DLG2: variants seen among roughly 807,000 people sequenced by gnomAD.
DLG2 encodes discs large MAGUK scaffold protein 2, also known as disks large homolog 2.
DLG2 carries 45 observed loss-of-function variants against 132.5 expected under a neutral mutation model. That is an observed-to-expected ratio of 0.34 (90% CI 0.27 to 0.44). DLG2 has a LOEUF of 0.44. Ranked by LOEUF, DLG2 falls within the 20% of genes least tolerant of loss-of-function variation. The pLI is 1.00. For synonymous variants in DLG2, 424 were observed against 419.6 expected, an observed-to-expected ratio of 1.01 and a Z score of -0.13; for missense variants, 1,045 against 1,196.9, an observed-to-expected ratio of 0.87 and a Z score of 1.87.
At chr11:85,196,198 A>G (rs1178059220) in intron 4 of DLG2, among the ~76,000 whole-genome samples, 1 of 152,148 alleles carries the variant, frequency 6.6e-6, no homozygotes, top group Non-Finnish European at 1.5e-5. Flanking sequence ...CTCCAGTGGC[A>G]TTTTCATTAT....
At chr11:84,749,794 C>A (rs1035454458) in intron 6 of DLG2, among the ~76,000 whole-genome samples, 1 of 152,114 alleles carries the variant, frequency 6.6e-6, no homozygotes, top group African/African-American at 2.4e-5. Context: ...TAATCTCAGG[C>A]CCTTTGGATT....
intron 6 of DLG2, among the ~76,000 whole-genome samples, chr11:84,804,548 A>T (rs1039305144): frequency 6.6e-6 from 1 of 152,212 alleles, no homozygotes; most frequent in African/African-American, 2.4e-5. Context: ...AAGGAACAAC[A>T]TAGCAGTAAC....
intron 6 of DLG2, among the ~76,000 whole-genome samples, chr11:84,943,372 GCCTGCCTT>G (rs1397628277): frequency 6.0e-5 from 9 of 151,146 alleles, no homozygotes; most frequent in African/African-American, 2.2e-4. Flanking sequence ...CTTCCTAACT[GCCTGCCTT>G]CCTGCCTTCC....
At chr11:85,599,416 G>A (rs548619495) in intron 2 of DLG2, among the ~76,000 whole-genome samples, 141 of 150,986 alleles carry the variant, frequency 9.3e-4, no homozygotes, top group Non-Finnish European at 1.5e-3. Context: ...TGTTCTCTGT[G>A]CTGGTATTTC....
intron 18 of DLG2, among the ~76,000 whole-genome samples, chr11:83,674,427 C>T (rs1268639939): frequency 6.6e-6 from 1 of 152,112 alleles, no homozygotes; most frequent in South Asian, 2.1e-4. Flanking sequence ...TCTATTTGTA[C>T]AAGGAAGCCA....
chr11:84,679,938 TC>T (rs1233097644), intron 6 of DLG2, among the ~76,000 whole-genome samples: 1 of 152,134 alleles, frequency 6.6e-6, no homozygotes, highest in Non-Finnish European at 1.5e-5. Flanking sequence ...AGCCACACTT[TC>T]TGTATTATTG....
intron 7 of DLG2, among the ~76,000 whole-genome samples, chr11:84,441,667 C>T (rs75165513): frequency 0.011 from 1,608 of 152,172 alleles, 24 homozygotes; most frequent in African/African-American, 0.036. Flanking sequence ...GTAAACAATG[C>T]TTTTCCACAA....
At chr11:85,054,507 G>C (rs1196357279) in intron 6 of DLG2, among the ~76,000 whole-genome samples, 1 of 152,094 alleles carries the variant, frequency 6.6e-6, no homozygotes, top group Non-Finnish European at 1.5e-5. Context: ...TAACCCAGCA[G>C]TCCCATTACT....
At chr11:85,390,931 A>C (rs975235266) in intron 3 of DLG2, among the ~76,000 whole-genome samples, 7 of 152,114 alleles carry the variant, frequency 4.6e-5, no homozygotes, top group Non-Finnish European at 8.8e-5. Context: ...GAAAATAAAT[A>C]ACCAAGATCA....
intron 8 of DLG2, among the ~76,000 whole-genome samples, chr11:84,249,637 G>A (rs2097346380): frequency 6.6e-6 from 1 of 152,172 alleles, no homozygotes; most frequent in African/African-American, 2.4e-5. Flanking sequence ...GCAGTGTTAG[G>A]CATACACTGT....
At chr11:84,921,145 T>C (rs998315478) in intron 6 of DLG2, among the ~76,000 whole-genome samples, 4 of 152,146 alleles carry the variant, frequency 2.6e-5, no homozygotes, top group Non-Finnish European at 5.9e-5. Context: ...TGAAACTTTA[T>C]TGCACCAATG....
intron 16 of DLG2, among the ~76,000 whole-genome samples, chr11:83,850,123 A>AGTGTGT (rs544279195): frequency 3.9e-3 from 152 of 39,110 alleles, no homozygotes; most frequent in Middle Eastern, 0.02. Context: ...ATTTGGGGTA[A>AGTGTGT]GTGTGTGTGT....
At chr11:85,284,358 A>G (rs1316415031) in intron 4 of DLG2, among the ~76,000 whole-genome samples, 1 of 151,814 alleles carries the variant, frequency 6.6e-6, no homozygotes, top group African/African-American at 2.4e-5. Context: ...AGGACAGAAA[A>G]TATATGAGAG....
At chr11:85,334,943 T>C (rs1178918350) in intron 3 of DLG2, among the ~76,000 whole-genome samples, 1 of 152,188 alleles carries the variant, frequency 6.6e-6, no homozygotes, top group Non-Finnish European at 1.5e-5. Context: ...TTAGGTCCTC[T>C]GGTCAAGTCT....
chr11:85,002,132 C>T (rs1449438428), intron 6 of DLG2, among the ~76,000 whole-genome samples: 1 of 152,126 alleles, frequency 6.6e-6, no homozygotes, highest in Admixed American at 6.6e-5. Context: ...ATTATATCTA[C>T]TTGCTTCATC....
At chr11:85,015,909 C>G (rs1308728869) in intron 6 of DLG2, among the ~76,000 whole-genome samples, 1 of 152,068 alleles carries the variant, frequency 6.6e-6, no homozygotes, top group Admixed American at 6.6e-5. Flanking sequence ...AATGTTATCT[C>G]TGATTCTATG....
At chr11:84,429,639 C>A (rs2098977965) in intron 7 of DLG2, among the ~76,000 whole-genome samples, 1 of 152,136 alleles carries the variant, frequency 6.6e-6, no homozygotes, top group Non-Finnish European at 1.5e-5. Context: ...TACTACGAGG[C>A]ATTTTTTAAA....
chr11:85,065,049 T>C (rs944593317), intron 6 of DLG2, among the ~76,000 whole-genome samples: 5 of 151,560 alleles, frequency 3.3e-5, no homozygotes, highest in Admixed American at 6.6e-5. Flanking sequence ...AGTCAATTAG[T>C]ACAAAAGTTT....
chr11:84,087,685 A>T (rs555286943), intron 10 of DLG2, among the ~76,000 whole-genome samples: 10 of 152,312 alleles, frequency 6.6e-5, no homozygotes, highest in African/African-American at 2.4e-4. Flanking sequence ...GTCATAGTCA[A>T]TGAAGAGATA....
Sources: allele counts gnomAD v4.1 joint callset (sites outside exome capture counted in the v4.1 genomes callset), GRCh38; gene constraint gnomAD v4.1.1; transcripts MANE v1.5; gene names NCBI Gene and HGNC (gene_info 2026-07-23, HGNC 2026-07-21).